Variants in TRPC4AP observed in about 807,000 individuals in gnomAD.
TRPC4AP encodes short transient receptor potential channel 4-associated protein.
In TRPC4AP, 45 loss-of-function variants were observed where a neutral mutation model predicts 99.0. The ratio of observed to expected loss-of-function variants is 0.45; its 90% CI spans 0.36 to 0.58. The LOEUF is 0.58. Among genes scored for constraint, TRPC4AP ranks in the 20% least tolerant of loss-of-function variants. The pLI is 0.00. For missense variants in TRPC4AP, 879 were observed against 985.3 expected, an observed-to-expected ratio of 0.89 and a Z score of 1.44; for synonymous variants, 408 against 385.8, an observed-to-expected ratio of 1.06 and a Z score of -0.67.
intron 6 of TRPC4AP, among the ~76,000 whole-genome samples, chr20:35,046,040 T>C (rs542397362): frequency 1.3e-5 from 2 of 152,318 alleles, no homozygotes; most frequent in East Asian, 3.9e-4. Flanking sequence ...ATGAACATTC[T>C]TACAGGTACT....
At chr20:35,064,731 T>C (rs1162621512) in intron 3 of TRPC4AP, among the ~76,000 whole-genome samples, 1 of 152,236 alleles carries the variant, frequency 6.6e-6, no homozygotes, top group Non-Finnish European at 1.5e-5. Context: ...CCTAAGGTCA[T>C]CCTCTAGAAA....
chr20:35,006,218 A>G (rs1331503932), intron 15 of TRPC4AP, among the ~76,000 whole-genome samples: 1 of 149,326 alleles, frequency 6.7e-6, no homozygotes, highest in East Asian at 2.0e-4. Flanking sequence ...TCCCACCCTC[A>G]CTCCCTACCC....
intron 1 of TRPC4AP, among the ~76,000 whole-genome samples, chr20:35,085,877 G>T (rs933253565): frequency 3.9e-5 from 6 of 152,096 alleles, no homozygotes; most frequent in African/African-American, 1.4e-4. Flanking sequence ...AATAACTAAA[G>T]GCTAAATTCC....
rs111864745 is a variant in TRPC4AP at position 35,072,528 on chromosome 20, T to C, written c.298-3116A>G. 4.5e-3 allele frequency among the ~76,000 whole-genome samples: 693 copies of C among 152,354 alleles called. 3 individuals carry two copies. The highest frequency in any genetic ancestry group is 0.016 in the African/African-American group (663 of 41,574). ...TAGCCAGTTTTCCCAGCACTATTTATTAAATAGGGAATCCTTTCCCCATTT... is the reference window on the plus strand; with the variant it reads ...TAGCCAGTTTTCCCAGCACTATTTACTAAATAGGGAATCCTTTCCCCATTT... On this transcript the variant is annotated intron_variant, in intron 2 of 18. Coordinates refer to ENST00000252015, the MANE Select transcript of TRPC4AP (RefSeq NM_015638.3).
At chr20:35,077,493 T>C (rs2146014422) in intron 2 of TRPC4AP, among the ~76,000 whole-genome samples, 1 of 152,292 alleles carries the variant, frequency 6.6e-6, no homozygotes, top group East Asian at 1.9e-4. Flanking sequence ...CCAGCCCTAC[T>C]GAATCAGAAT....
intron 8 of TRPC4AP, 135 bp downstream of exon 8, chr20:35,034,988 T>C (rs560354272): frequency 3.4e-6 from 3 of 884,780 alleles, no homozygotes; most frequent in East Asian, 5.3e-5. Flanking sequence ...TTAATAGTCA[T>C]GGTCTAGAAT....
intron 10 of TRPC4AP, among the ~76,000 whole-genome samples, chr20:35,014,411 G>A (rs2082705548): frequency 6.8e-6 from 1 of 146,146 alleles, no homozygotes; most frequent in East Asian, 2.0e-4. Context: ...TCTGCCTCCT[G>A]GGTTCAAGCA....
chr20:35,044,534 A>G lies in TRPC4AP; in HGVS notation c.836T>C (p.Leu279Ser). The G allele has an allele frequency of 6.2e-7, 1 of 1,614,194 alleles. No individual in the cohort carries two copies. The highest frequency in any genetic ancestry group is 8.5e-7 in the Non-Finnish European group (1 of 1,180,018). Residue 279 changes from leucine to serine, a missense_variant, in exon 7 of 19, where the codon TTG (leucine) becomes TCG (serine). Around this residue, in one of 3 missense-constraint regions of TRPC4AP, gnomAD observed 603 missense variants for 631.8 expected, o/e 0.95. Coordinates refer to ENST00000252015, the MANE Select transcript of TRPC4AP (RefSeq NM_015638.3). ...ATTGATTTCAGCTGCAGAAGGCCCC[A>G]AACTCAAGCTCTTCTTCTGTTGAGC... ...KNAQQKKSLS[L>S]GPSAAEINQA...
intron 5 of TRPC4AP, among the ~76,000 whole-genome samples, 170 bp downstream of exon 5, chr20:35,054,806 C>G (rs939707257): frequency 6.6e-6 from 1 of 152,152 alleles, no homozygotes; most frequent in African/African-American, 2.4e-5. Context: ...TCTGCCTCCC[C>G]GTAATTTCTA....
chr20:35,003,100 C>A lies in TRPC4AP; in HGVS notation c.*46G>T. On this transcript the variant is annotated 3_prime_UTR_variant, in exon 19 of 19. Transcript: ENST00000252015. ...GGCAGGGCGTGTGGCATCGTACCCA[C>A]GCTCACCCACACTGGCCCAGCAGCC... 1.2e-6 allele frequency: 2 copies of A among 1,610,064 alleles called. No homozygotes were observed. The highest frequency in any genetic ancestry group is 1.7e-6 in the Non-Finnish European group (2 of 1,178,084).
chr20:35,062,394 G>T (rs1396767895), intron 3 of TRPC4AP, among the ~76,000 whole-genome samples: 2 of 152,138 alleles, frequency 1.3e-5, no homozygotes, highest in African/African-American at 2.4e-5. Context: ...AATCATAGCA[G>T]ATTACTAATA....
intron 2 of TRPC4AP, among the ~76,000 whole-genome samples, chr20:35,077,603 G>A (rs780306372): frequency 2.6e-5 from 4 of 152,114 alleles, no homozygotes; most frequent in East Asian, 1.9e-4. Flanking sequence ...TAATGTCTCC[G>A]TGCTCTTTCC....
intron 16 of TRPC4AP, among the ~76,000 whole-genome samples, chr20:35,005,313 C>T (rs77142686): frequency 0.014 from 2,143 of 152,246 alleles, 69 homozygotes; most frequent in African/African-American, 0.049. Context: ...AAAAAGGAAA[C>T]GCGTGCGCAT....
rs374492929 is a variant in TRPC4AP, at chr20:35,005,826, G to A, written c.1828-23C>T. On this transcript the variant is annotated intron_variant, in intron 15 of 18. Coordinates refer to ENST00000252015, the MANE Select transcript of TRPC4AP (RefSeq NM_015638.3). Reference sequence around the variant, plus strand: ...GAACTATACAGAAACCAAGCTCACAGCAGGCAGTGGGCTGCTGGCCAGGTA... The same window carrying A: ...GAACTATACAGAAACCAAGCTCACAACAGGCAGTGGGCTGCTGGCCAGGTA... 6 of 1,610,170 alleles carry A rather than the reference G, an allele frequency of 3.7e-6. No homozygotes were observed. In the African/African-American group the frequency reaches 6.7e-5, roughly 18 times the overall value.
intron 8 of TRPC4AP, among the ~76,000 whole-genome samples, chr20:35,023,347 T>TATA (rs1225329723): frequency 6.6e-6 from 1 of 152,160 alleles, no homozygotes; most frequent in African/African-American, 2.4e-5. Context: ...ATACTGAAGG[T>TATA]GCCTGGAACA....
In TRPC4AP at chr20:35,006,477, A is replaced by C. The variant is rs2082520416; in HGVS notation, c.1785T>G (p.Asp595Glu). Reference protein sequence around the residue: ...LLGELMKFNVDAFKRFNKYIN... With the variant: ...LLGELMKFNVEAFKRFNKYIN... ...TATATTTATTGAATCTCTTGAATGC[A>C]TCAACGTTGAACTTCATCAGCTCCC... The change falls in exon 15 of 19, where the codon GAT becomes GAG. Residue 595 changes from aspartate to glutamate, a missense_variant. By Grantham distance (45) the Asp-to-Glu change is conservative (BLOSUM62 2). Transcript: ENST00000252015. 1 of 1,614,240 alleles carries C rather than the reference A, an allele frequency of 6.2e-7. No individual in the cohort carries two copies. The highest frequency in any genetic ancestry group is 8.5e-7 in the Non-Finnish European group (1 of 1,180,048).
intron 3 of TRPC4AP, among the ~76,000 whole-genome samples, chr20:35,061,748 TA>T (rs1388641517): frequency 3.9e-5 from 6 of 152,162 alleles, no homozygotes; most frequent in African/African-American, 1.4e-4. Context: ...ATACAAAATA[TA>T]AAATTCTCAG....
At chr20:35,085,440 T>C (rs971821437) in intron 1 of TRPC4AP, among the ~76,000 whole-genome samples, 1 of 152,004 alleles carries the variant, frequency 6.6e-6, no homozygotes, top group Admixed American at 6.6e-5. Context: ...GGCAGAACCT[T>C]ATCTCTACAA....
At chr20:35,003,788 C>A (rs752075) in intron 17 of TRPC4AP, among the ~76,000 whole-genome samples, 172 bp from the exon 18 acceptor site, 27,876 of 152,058 alleles carry the variant, frequency 0.18, 2,638 homozygotes, top group Middle Eastern at 0.34. Flanking sequence ...CCCCAGCAGC[C>A]CCAGTTTCCT....
Sources: allele counts gnomAD v4.1 joint callset (sites outside exome capture counted in the v4.1 genomes callset), GRCh38; gene constraint gnomAD v4.1.1; regional missense constraint gnomAD v4.1.1; transcripts MANE v1.5; gene names NCBI Gene and HGNC (gene_info 2026-07-23, HGNC 2026-07-21).